NR5A1: variants seen among roughly 807,000 people sequenced by gnomAD.
The protein encoded by NR5A1 is steroidogenic factor 1.
A neutral mutation model predicts 42.7 loss-of-function variants in NR5A1; 6 were observed. That is an observed-to-expected ratio of 0.14 (90% CI 0.08 to 0.28). The LOEUF (loss-of-function observed/expected upper bound fraction) is 0.28. Among genes scored for constraint, NR5A1 ranks in the 10% least tolerant of loss-of-function variants. NR5A1 has a pLI of 1.00. For synonymous variants in NR5A1, 274 were observed against 277.5 expected, an observed-to-expected ratio of 0.99 and a Z score of 0.12; for missense variants, 442 against 626.4, an observed-to-expected ratio of 0.71 and a Z score of 3.14.
At chr9:124,486,748 A>G (rs1184618234) in intron 6 of NR5A1, among the ~76,000 whole-genome samples, 3 of 152,218 alleles carry the variant, frequency 2.0e-5, no homozygotes, top group Admixed American at 6.5e-5. Context: ...TCCAGCGGAT[A>G]ACACATGTGA....
At chr9:124,483,148 GGTC>G in intron 6 of NR5A1, 143 bp from the exon 7 acceptor site, 1 of 1,577,074 alleles carries the variant, frequency 6.3e-7, no homozygotes, top group South Asian at 1.1e-5. Context: ...CATGCAACAT[GGTC>G]TCCCCGTTGG....
In NR5A1 at chr9:124,496,437, G is replaced by C. The variant is rs1832391912; in HGVS notation, c.871-3288C>G. Among the ~76,000 whole-genome samples the C allele has an allele frequency of 6.6e-6, 1 of 152,120 alleles. No individual in the cohort carries two copies. Among genetic ancestry groups the C allele is most frequent in the South Asian group, 2.1e-4 (1 of 4,824 alleles). Reference sequence around the variant, plus strand: ...TCCCACCAGCCTGGCCTGTCTGCTGGGCACATCAGCCATCCACCCCTCCCA... The same window carrying C: ...TCCCACCAGCCTGGCCTGTCTGCTGCGCACATCAGCCATCCACCCCTCCCA... On this transcript the variant is annotated intron_variant, in intron 4 of 6. Coordinates refer to ENST00000373588, the MANE Select transcript of NR5A1 (RefSeq NM_004959.5). This position sits in a 1 kb window ranked among gnomAD's most constrained non-coding sequence, Gnocchi z 5.0.
In NR5A1 at chr9:124,498,489, A is replaced by T. The variant is rs2131284946; in HGVS notation, c.870+1601T>A. Reference sequence around the variant, plus strand: ...CGTGAAAATCCCCGGGAGACTAGGAAGGCAGCCAGAGGAAGTGCCCTGCCC... The same window carrying T: ...CGTGAAAATCCCCGGGAGACTAGGATGGCAGCCAGAGGAAGTGCCCTGCCC... On this transcript the variant is annotated intron_variant, in intron 4 of 6. Coordinates refer to ENST00000373588, the MANE Select transcript of NR5A1 (RefSeq NM_004959.5). The surrounding 1 kb of genome is among the most constrained non-coding windows in gnomAD (Gnocchi z 4.6). Among the ~76,000 whole-genome samples the T allele has an allele frequency of 6.6e-6, 1 of 152,296 alleles. No individual in the cohort carries two copies. Among genetic ancestry groups the T allele is most frequent in the South Asian group, 2.1e-4 (1 of 4,810 alleles).
At chr9:124,494,599 G>T (rs1832360775) in intron 4 of NR5A1, among the ~76,000 whole-genome samples, 1 of 152,208 alleles carries the variant, frequency 6.6e-6, no homozygotes, top group African/African-American at 2.4e-5. Flanking sequence ...CAGAGCAGTG[G>T]TCAGAGGGGC....
In NR5A1 at chr9:124,498,239, TG is replaced by T. The variant is rs1399282545; in HGVS notation, c.870+1850del. ...AAAGAGACACCAGCCCAGGGTCCAC[TG>T]GACCAGTGGAAAAGAACTTCCACAT... is the stretch of plus-strand genomic sequence containing the variant. On this transcript the variant is annotated intron_variant, in intron 4 of 6. Transcript: ENST00000373588. This position sits in a 1 kb window ranked among gnomAD's most constrained non-coding sequence, Gnocchi z 4.6. Among the ~76,000 whole-genome samples the T allele has an allele frequency of 6.6e-6, 1 of 152,312 alleles. No homozygotes were observed. Among genetic ancestry groups the T allele is most frequent in the East Asian group, 1.9e-4 (1 of 5,184 alleles).
chr9:124,497,837 G>C (rs909867859), intron 4 of NR5A1, among the ~76,000 whole-genome samples: 1 of 152,190 alleles, frequency 6.6e-6, no homozygotes, highest in Non-Finnish European at 1.5e-5. Context: ...CCACTGCCTG[G>C]AATTCCCTGA....
intron 6 of NR5A1, among the ~76,000 whole-genome samples, chr9:124,489,472 A>T (rs1832270020): frequency 6.6e-6 from 1 of 152,224 alleles, no homozygotes; most frequent in Non-Finnish European, 1.5e-5. Flanking sequence ...AGCGTATGAA[A>T]GTTCATCGTT....
chr9:124,491,761 G>A (rs538246045), intron 5 of NR5A1, among the ~76,000 whole-genome samples: 61 of 152,102 alleles, frequency 4.0e-4, no homozygotes, highest in South Asian at 2.1e-4. Flanking sequence ...GGCCACACCC[G>A]CCCTTGTACG....
At chr9:124,485,796 C>A (rs1163730459) in intron 6 of NR5A1, among the ~76,000 whole-genome samples, 1 of 152,220 alleles carries the variant, frequency 6.6e-6, no homozygotes, top group Non-Finnish European at 1.5e-5. Flanking sequence ...CATGGGAAGT[C>A]ATGTCACCTA....
chr9:124,498,100 T>TGTC lies in NR5A1; in HGVS notation c.870+1987_870+1989dup, dbSNP rs1377396089. Among the ~76,000 whole-genome samples the TGTC allele has an allele frequency of 6.6e-6, 1 of 152,200 alleles. No individual in the cohort carries two copies. The highest frequency in any genetic ancestry group is 1.5e-5 in the Non-Finnish European group (1 of 68,034). ...CTCAGAGCCAGAGAGCCCCCTCTTC[T>TGTC]GTCTGCTAAGATGTGTCCTGTCTGG... On this transcript the variant is annotated intron_variant, in intron 4 of 6. Coordinates refer to ENST00000373588, the MANE Select transcript of NR5A1 (RefSeq NM_004959.5). This position sits in a 1 kb window ranked among gnomAD's most constrained non-coding sequence, Gnocchi z 4.6.
At chr9:124,493,904 G>C (rs1588619007) in intron 4 of NR5A1, among the ~76,000 whole-genome samples, 1 of 152,310 alleles carries the variant, frequency 6.6e-6, no homozygotes, top group East Asian at 1.9e-4. Flanking sequence ...CAGAGCCAGG[G>C]ATCCCCTGGC....
rs879690628 is a variant in NR5A1 at position 124,496,927 on chromosome 9, C to T, written c.870+3163G>A. Among the ~76,000 whole-genome samples, 59 of 152,324 alleles carry T rather than the reference C, an allele frequency of 3.9e-4. No homozygotes were observed. Among genetic ancestry groups the T allele is most frequent in the Non-Finnish European group, 7.6e-4 (52 of 68,026 alleles). On this transcript the variant is annotated intron_variant, in intron 4 of 6. Transcript: ENST00000373588. The surrounding 1 kb of genome is among the most constrained non-coding windows in gnomAD (Gnocchi z 5.0). ...TGCCTGGGCCCTGGGCACTGCTGCC[C>T]ACCAAGCAGCAGGTACAGGTGAGTT...
chr9:124,487,986 G>A (rs1386250860), intron 6 of NR5A1, among the ~76,000 whole-genome samples: 1 of 152,158 alleles, frequency 6.6e-6, no homozygotes, highest in Non-Finnish European at 1.5e-5. Context: ...AAGGTACCAG[G>A]CCCCGGCATT....
Position 124,482,653 on chromosome 9 carries a change from G to A in NR5A1, c.*105C>T. Reference sequence around the variant, plus strand: ...TGGGACGGGGCTGGGGCTCCTCGGTGGGCATCAGAAAATGAACCATGCGGA... The same window carrying A: ...TGGGACGGGGCTGGGGCTCCTCGGTAGGCATCAGAAAATGAACCATGCGGA... On this transcript the variant is annotated 3_prime_UTR_variant, in exon 7 of 7. Transcript: ENST00000373588. 7.6e-7 allele frequency: 1 copy of A among 1,311,996 alleles called. No individual in the cohort carries two copies. Among genetic ancestry groups the A allele is most frequent in the Non-Finnish European group, 1.1e-6 (1 of 945,882 alleles). 81.3% of individuals were successfully genotyped at this position (1,311,996 alleles called of 1,614,324 possible).
At position 124,496,258 on chromosome 9, in the gene NR5A1, CT is replaced by C. The variant is rs1018203128; in HGVS notation, c.871-3110del. ...CACAGGGCCATAGCTGCCAGCCCCC[CT>C]GCATGAGAAAGCAGGTGGCTAAGAG... On this transcript the variant is annotated intron_variant, in intron 4 of 6. Coordinates refer to ENST00000373588, the MANE Select transcript of NR5A1 (RefSeq NM_004959.5). This position sits in a 1 kb window ranked among gnomAD's most constrained non-coding sequence, Gnocchi z 5.0. 1.3e-5 allele frequency among the ~76,000 whole-genome samples: 2 copies of C among 152,150 alleles called. No individual in the cohort carries two copies. Among genetic ancestry groups the C allele is most frequent in the African/African-American group, 4.8e-5 (2 of 41,418 alleles).
At chr9:124,485,194 A>C (rs1479555632) in intron 6 of NR5A1, among the ~76,000 whole-genome samples, 1 of 152,108 alleles carries the variant, frequency 6.6e-6, no homozygotes, top group Non-Finnish European at 1.5e-5. Flanking sequence ...CAGGGTCAGC[A>C]GGAACCCACA....
At chr9:124,499,013 TGCAGTG>T (rs2131285480) in intron 4 of NR5A1, among the ~76,000 whole-genome samples, 1 of 152,262 alleles carries the variant, frequency 6.6e-6, no homozygotes, top group African/African-American at 2.4e-5. Flanking sequence ...TGCTCAAGGC[TGCAGTG>T]GCCCCAGCAG....
intron 5 of NR5A1, among the ~76,000 whole-genome samples, chr9:124,492,066 C>T (rs1029454777): frequency 1.3e-5 from 2 of 152,110 alleles, no homozygotes; most frequent in African/African-American, 2.4e-5. Flanking sequence ...CCTGTGACAC[C>T]GAGGAGAGAG....
intron 4 of NR5A1, among the ~76,000 whole-genome samples, chr9:124,499,568 T>C (rs547416585): frequency 6.6e-6 from 1 of 152,252 alleles, no homozygotes; most frequent in East Asian, 1.9e-4. Flanking sequence ...CCCATCTGTG[T>C]GTGACACTGC....
Sources: gnomAD v4.1 joint callset for allele counts (sites outside exome capture counted in the v4.1 genomes callset) on GRCh38, gnomAD v4.1.1 for gene constraint, Gnocchi (gnomAD v3.1) non-coding constraint, MANE v1.5 for transcripts, NCBI Gene and HGNC (gene_info 2026-07-23, HGNC 2026-07-21) for gene names.